Variants in SLC9A6 observed in about 807,000 individuals in gnomAD.
SLC9A6 encodes the protein sodium/hydrogen exchanger 6.
Under a neutral mutation model 45.3 loss-of-function variants are expected in SLC9A6, and 6 were observed. The observed-to-expected ratio is 0.13, with a 90% CI of 0.07 to 0.26. The LOEUF (loss-of-function observed/expected upper bound fraction) is 0.26, where lower values mean the gene tolerates loss of function less well. SLC9A6 is among the 10% of genes least tolerant of loss of function. The pLI is 1.00. For missense variants in SLC9A6, 278 were observed against 503.7 expected, an observed-to-expected ratio of 0.55 and a Z score of 4.29; for synonymous variants, 191 against 187.7, an observed-to-expected ratio of 1.02 and a Z score of -0.14.
chrX:136,032,298 C>T (rs1556621231), intron 15 of SLC9A6, among the ~76,000 whole-genome samples: 2 of 112,226 alleles, frequency 1.8e-5, no homozygotes, highest in Non-Finnish European at 1.9e-5. Context: ...ACTCGAACTC[C>T]TGACCTCAAG....
rs993082296 is a variant in SLC9A6, at chrX:136,020,386, T to G, written c.1195-2200T>G. ...TTTTTTTTGAGACAGAATTTCACTC[T>G]TGTTGCCCAGACTGGAGTGCAATGG... On this transcript the variant is annotated intron_variant, in intron 11 of 17. Transcript: ENST00000630721. 8.1e-5 allele frequency among the ~76,000 whole-genome samples: 9 copies of G among 110,839 alleles called. No homozygotes were observed. The East Asian group carries it at 2.5e-3, about 31-fold the overall frequency.
intron 16 of SLC9A6, among the ~76,000 whole-genome samples, chrX:136,034,471 CATTATTAA>C (rs2071381424): frequency 9.0e-6 from 1 of 111,570 alleles, no homozygotes; most frequent in Non-Finnish European, 1.9e-5. Flanking sequence ...AACATTTTAT[CATTATTAA>C]AATTAATTTC....
upstream of SLC9A6, chrX:135,973,863 A>G: frequency 1.7e-6 from 2 of 1,158,510 alleles, no homozygotes; most frequent in Non-Finnish European, 2.3e-6. Flanking sequence ...AAGAAGCAGA[A>G]AGCTACACGG....
chrX:136,040,582 A>G (rs1357402817), intron 17 of SLC9A6, among the ~76,000 whole-genome samples: 2 of 111,975 alleles, frequency 1.8e-5, no homozygotes, highest in African/African-American at 6.5e-5. Context: ...CTAAAGTGCA[A>G]CAGATGGTCT....
intron 6 of SLC9A6, among the ~76,000 whole-genome samples, chrX:136,000,254 C>CAAAAAA (rs1212509294): frequency 1.9e-4 from 3 of 15,785 alleles, no homozygotes; most frequent in African/African-American, 4.4e-4. Context: ...ACCCTGTCTC[C>CAAAAAA]AAAAAAAAAA....
At chrX:135,999,029 T>G in intron 6 of SLC9A6, 61 bp downstream of exon 6, 1 of 723,529 alleles carries the variant, frequency 1.4e-6, no homozygotes. Flanking sequence ...GTCAAATACA[T>G]GTGGGTTTTT....
intron 17 of SLC9A6, among the ~76,000 whole-genome samples, chrX:136,040,593 A>G (rs1314425371): frequency 3.6e-5 from 4 of 111,880 alleles, no homozygotes; most frequent in Admixed American, 9.5e-5. Flanking sequence ...CAGATGGTCT[A>G]TTATTTCACA....
upstream of SLC9A6, among the ~76,000 whole-genome samples, chrX:135,980,231 T>A (rs202063772): frequency 1.1e-5 from 1 of 94,981 alleles, no homozygotes; most frequent in African/African-American, 3.9e-5. Flanking sequence ...TTTTTTTTTT[T>A]AAGACGGAGT....
Position 135,985,471 on chromosome X carries a change from C to A in SLC9A6, c.-63C>A. On this transcript the variant is annotated 5_prime_UTR_variant, in exon 1 of 18. Coordinates refer to ENST00000630721, the MANE Select transcript of SLC9A6 (RefSeq NM_001379110.1). ...GAGTGGTCCGACCGCGGGCGGCCGC[C>A]GGTGAGGTAGGGGCGGGAGGCGGGG... The A allele has an allele frequency of 3.9e-6, 4 of 1,022,877 alleles. No individual in the cohort carries two copies. The highest frequency in any genetic ancestry group is 2.0e-5 in the African/African-American group (1 of 49,517). The allele number at this position is 1,022,877 out of a possible 1,213,427, so 84.3% of individuals were successfully genotyped here.
upstream of SLC9A6, chrX:135,985,073 T>G: frequency 8.2e-6 from 1 of 122,438 alleles, no homozygotes; most frequent in Admixed American, 9.1e-5. Flanking sequence ...AGATGGAGAT[T>G]GAGGCTCCTC....
chrX:136,016,780 A>G (rs1556619327), intron 11 of SLC9A6, 22 bp downstream of exon 11: 1 of 888,438 alleles, frequency 1.1e-6, no homozygotes, highest in South Asian at 2.1e-5. Context: ...TATGTGTTTT[A>G]TTTTGAAAAT....
chrX:136,040,942 G>A (rs1303297323), intron 17 of SLC9A6, among the ~76,000 whole-genome samples: 2 of 111,176 alleles, frequency 1.8e-5, no homozygotes, highest in Admixed American at 9.5e-5. Flanking sequence ...TCAACATGGC[G>A]AAACCCAGTC....
intron 16 of SLC9A6, 111 bp from the exon 17 acceptor site, chrX:136,039,965 C>A (rs1556622314): frequency 1.7e-6 from 1 of 581,528 alleles, no homozygotes; most frequent in African/African-American, 2.3e-5. Flanking sequence ...ATGTGAAAGC[C>A]CTTTGCTGTC....
chrX:136,007,718 A>G (rs2148165611), intron 7 of SLC9A6, among the ~76,000 whole-genome samples: 1 of 111,784 alleles, frequency 8.9e-6, no homozygotes, highest in South Asian at 3.7e-4. Flanking sequence ...CTTGGATATT[A>G]TACTATATTA....
intron 17 of SLC9A6, among the ~76,000 whole-genome samples, chrX:136,042,982 G>A (rs1244735210): frequency 9.0e-6 from 1 of 111,695 alleles, no homozygotes; most frequent in Non-Finnish European, 1.9e-5. Context: ...AAAGTATATA[G>A]AATAGATTTT....
intron 16 of SLC9A6, among the ~76,000 whole-genome samples, chrX:136,035,797 A>G (rs2071402757): frequency 9.0e-6 from 1 of 111,076 alleles, no homozygotes; most frequent in Non-Finnish European, 1.9e-5. Flanking sequence ...TCTGTCACCC[A>G]GGCTGGAATG....
At chrX:135,988,700 G>A (rs1410996062) in intron 2 of SLC9A6, among the ~76,000 whole-genome samples, 1 of 109,669 alleles carries the variant, frequency 9.1e-6, no homozygotes, top group African/African-American at 3.3e-5. Flanking sequence ...CTGGGCTTAA[G>A]TGATCCTCCC....
At chrX:135,982,486 C>CTT (rs1195390279), upstream of SLC9A6, among the ~76,000 whole-genome samples, 4 of 95,005 alleles carry the variant, frequency 4.2e-5, no homozygotes, top group African/African-American at 7.6e-5. Flanking sequence ...GGTCAATTCG[C>CTT]TTTTTTTTTT....
chrX:135,982,672 C>T (rs2089292463), upstream of SLC9A6, among the ~76,000 whole-genome samples: 2 of 111,281 alleles, frequency 1.8e-5, no homozygotes, highest in South Asian at 7.6e-4. Flanking sequence ...CAGGGTTTCA[C>T]TATGTTGCCC....
Sources: allele counts gnomAD v4.1 joint callset (sites outside exome capture counted in the v4.1 genomes callset), GRCh38; gene constraint gnomAD v4.1.1; transcripts MANE v1.5; gene names NCBI Gene and HGNC (gene_info 2026-07-23, HGNC 2026-07-21).